Variants in FCMR observed in about 807,000 individuals in gnomAD.
FCMR encodes immunoglobulin mu Fc receptor.
Under a neutral mutation model 41.6 loss-of-function variants are expected in FCMR, and 34 were observed. That is an observed-to-expected ratio of 0.82 (90% CI 0.62 to 1.09). The LOEUF (loss-of-function observed/expected upper bound fraction) is 1.09. Among genes scored for constraint, FCMR ranks in the 50% least tolerant of loss-of-function variants. FCMR has a pLI of 0.00. For missense variants in FCMR, 496 were observed against 512.5 expected, an observed-to-expected ratio of 0.97 and a Z score of 0.31; for synonymous variants, 209 against 211.8, an observed-to-expected ratio of 0.99 and a Z score of 0.12.
At chr1:206,915,233 A>G (rs563843564) in intron 1 of FCMR, among the ~76,000 whole-genome samples, 35 of 152,288 alleles carry the variant, frequency 2.3e-4, no homozygotes, top group African/African-American at 8.4e-4. Flanking sequence ...AATACATCCC[A>G]TGAGAGAGAT....
At chr1:206,915,780 G>A (rs979585890) in intron 1 of FCMR, among the ~76,000 whole-genome samples, 6 of 152,180 alleles carry the variant, frequency 3.9e-5, no homozygotes, top group African/African-American at 1.4e-4. Context: ...AACATAGCAT[G>A]TCCATGGGCG....
In FCMR at chr1:206,909,080, C is replaced by T. The variant is rs1678804468; in HGVS notation, c.1044+382G>A. On this transcript the variant is annotated intron_variant, in intron 7 of 7. Transcript: ENST00000367091. This position sits in a 1 kb window ranked among gnomAD's most constrained non-coding sequence, Gnocchi z 5.0. Reference sequence around the variant, plus strand: ...AAGTTCTCGCGCACAGGAAGGTGAACTGTCTAGGTAGCTTCCACCTCCCTA... The same window carrying T: ...AAGTTCTCGCGCACAGGAAGGTGAATTGTCTAGGTAGCTTCCACCTCCCTA... Among the ~76,000 whole-genome samples, 1 of 152,192 alleles carries T rather than the reference C, an allele frequency of 6.6e-6. No homozygotes were observed. Among genetic ancestry groups the T allele is most frequent in the Non-Finnish European group, 1.5e-5 (1 of 68,030 alleles).
At chr1:206,907,573 A>C in intron 7 of FCMR, 3 of 609,730 alleles carry the variant, frequency 4.9e-6, no homozygotes, top group Non-Finnish European at 9.3e-6. Context: ...CTTAGTCTAC[A>C]TGCGAATTAA....
At chr1:206,911,023 T>C (rs1013366585) in intron 4 of FCMR, among the ~76,000 whole-genome samples, 13 of 152,202 alleles carry the variant, frequency 8.5e-5, no homozygotes, top group African/African-American at 3.1e-4. Context: ...CATAGCACAA[T>C]GCTTGCCACA....
chr1:206,918,297 G>C (rs1425365231), intron 1 of FCMR, among the ~76,000 whole-genome samples: 1 of 152,032 alleles, frequency 6.6e-6, no homozygotes, highest in East Asian at 1.9e-4. Context: ...CTTCTCTCCT[G>C]CCTCTCCATC....
At chr1:206,916,829 T>C (rs1572630000) in intron 1 of FCMR, among the ~76,000 whole-genome samples, 1 of 152,220 alleles carries the variant, frequency 6.6e-6, no homozygotes, top group Non-Finnish European at 1.5e-5. Context: ...TTAGGAAAGG[T>C]GATTACATCT....
At chr1:206,906,343 A>G (rs1678643246) in intron 7 of FCMR, 1 of 217,312 alleles carries the variant, frequency 4.6e-6, no homozygotes, top group African/African-American at 2.3e-5. Context: ...GAGGACGGGA[A>G]GAAGATGAGG....
intron 1 of FCMR, chr1:206,921,462 A>G (rs770843472): frequency 9.8e-5 from 42 of 428,250 alleles, no homozygotes; most frequent in Admixed American, 1.4e-4. Context: ...TTAGCTGGGC[A>G]TGGTGGCATG....
At chr1:206,915,698 A>G (rs1426412671) in intron 1 of FCMR, among the ~76,000 whole-genome samples, 1 of 152,062 alleles carries the variant, frequency 6.6e-6, no homozygotes, top group African/African-American at 2.4e-5. Context: ...TGGGGCTGGA[A>G]GCCTGAAGTG....
upstream of FCMR, among the ~76,000 whole-genome samples, chr1:206,922,458 T>A (rs565620005): frequency 6.6e-6 from 1 of 152,372 alleles, no homozygotes; most frequent in South Asian, 2.1e-4. Context: ...TACTTTTCTC[T>A]GAGCCTGAAT....
intron 1 of FCMR, chr1:206,917,818 G>A (rs1215726824): frequency 2.2e-6 from 1 of 451,810 alleles, no homozygotes; most frequent in African/African-American, 2.0e-5. Flanking sequence ...TTAGAGATGG[G>A]CTTTCACCCA....
At chr1:206,917,639 G>C (rs1679247749) in intron 1 of FCMR, among the ~76,000 whole-genome samples, 1 of 152,162 alleles carries the variant, frequency 6.6e-6, no homozygotes, top group Non-Finnish European at 1.5e-5. Context: ...TTCTCCTTCT[G>C]TTTTTAAGAC....
rs114925338 is a variant in FCMR at position 206,914,890 on chromosome 1, C to T, written c.38-796G>A. 4.7e-3 allele frequency among the ~76,000 whole-genome samples: 720 copies of T among 152,172 alleles called. 4 individuals carry two copies. The highest frequency in any genetic ancestry group is 0.017 in the African/African-American group (686 of 41,506). On this transcript the variant is annotated intron_variant, in intron 1 of 7. Transcript: ENST00000367091. ...CCACCAAACCCAAACCCATAAGGAC[C>T]CAGACACTAAACCATTGAGATGATA...
At chr1:206,923,073 G>A (rs1679491209), upstream of FCMR, 1 of 152,300 alleles carries the variant, frequency 6.6e-6, no homozygotes, top group South Asian at 2.1e-4. Flanking sequence ...TTCATCCCTG[G>A]AGGTCAGTTC....
intron 1 of FCMR, chr1:206,917,771 C>T (rs954829478): frequency 2.2e-5 from 10 of 451,408 alleles, no homozygotes; most frequent in African/African-American, 4.1e-5. Flanking sequence ...AGATCACAGG[C>T]GCCTGCCACC....
chr1:206,908,063 A>G (rs1031139895), intron 7 of FCMR: 2 of 1,159,474 alleles, frequency 1.7e-6, no homozygotes, highest in Admixed American at 1.8e-5. Flanking sequence ...GGCTGGAAGT[A>G]CCAGGCAGTG....
intron 7 of FCMR, 39 bp from the exon 8 acceptor site, chr1:206,905,186 G>C: frequency 6.2e-7 from 1 of 1,611,910 alleles, no homozygotes; most frequent in South Asian, 1.1e-5. Flanking sequence ...ATCTGGGTAG[G>C]GTGATTTTAA....
Position 206,921,324 on chromosome 1 carries a change from G to A in FCMR, c.37+494C>T, listed in dbSNP as rs1373466642. 10 of 372,124 alleles carry A rather than the reference G, an allele frequency of 2.7e-5. No homozygotes were observed. In the Admixed American group the frequency reaches 3.0e-4, roughly 11 times the overall value. 23.1% of individuals were successfully genotyped at this position (372,124 alleles called of 1,614,324 possible). A position where few individuals can be genotyped will look rare whatever the true frequency, so the allele number is the denominator to read the frequency against. ...GCTCTTAAGAGTTAACACCTGGCTG[G>A]GCACAGTGGCTCACACCTGTAATCC... On this transcript the variant is annotated intron_variant, in intron 1 of 7. Coordinates refer to ENST00000367091, the MANE Select transcript of FCMR (RefSeq NM_005449.5).
intron 1 of FCMR, among the ~76,000 whole-genome samples, chr1:206,915,418 T>C (rs1392612363): frequency 6.6e-6 from 1 of 151,844 alleles, no homozygotes; most frequent in South Asian, 2.1e-4. Flanking sequence ...GCAGGGGACA[T>C]AGGAGGGGAA....
Sources: gnomAD v4.1 joint callset for allele counts (sites outside exome capture counted in the v4.1 genomes callset) on GRCh38, gnomAD v4.1.1 for gene constraint, Gnocchi (gnomAD v3.1) non-coding constraint, MANE v1.5 for transcripts, NCBI Gene and HGNC (gene_info 2026-07-23, HGNC 2026-07-21) for gene names.